The following MCC variants were observed in gnomAD, a reference collection of about 807,000 sequenced individuals.
MCC encodes MCC regulator of Wnt signaling pathway, also known as colorectal mutant cancer protein.
In MCC, 90 loss-of-function variants were observed where a neutral mutation model predicts 116.2. The observed-to-expected ratio is 0.77, with a 90% CI of 0.65 to 0.92. The LOEUF is 0.92. Ranked by LOEUF, MCC falls within the 40% of genes least tolerant of loss-of-function variation. MCC has a pLI of 0.00. For synonymous variants in MCC, 578 were observed against 510.5 expected, an observed-to-expected ratio of 1.13 and a Z score of -1.78; for missense variants, 1,516 against 1,312.2, an observed-to-expected ratio of 1.16 and a Z score of -2.40.
chr5:113,426,446 T>C (rs996484073), intron 1 of MCC, among the ~76,000 whole-genome samples: 2 of 152,154 alleles, frequency 1.3e-5, no homozygotes, highest in South Asian at 2.1e-4. Context: ...ATCCACACAA[T>C]GTAATAGTAT....
At chr5:113,090,965 G>A (rs529935580) in intron 8 of MCC, among the ~76,000 whole-genome samples, 1 of 152,344 alleles carries the variant, frequency 6.6e-6, no homozygotes, top group East Asian at 1.9e-4. Context: ...GCAAGCCCAG[G>A]GGCTGTGAGC....
At chr5:113,047,665 T>C (rs549151215) in intron 16 of MCC, among the ~76,000 whole-genome samples, 2 of 152,102 alleles carry the variant, frequency 1.3e-5, no homozygotes, top group Non-Finnish European at 1.5e-5. Flanking sequence ...CTGAAACAAA[T>C]GGGGGTCAAG....
chr5:113,211,539 G>A (rs1308798138), intron 3 of MCC, among the ~76,000 whole-genome samples: 1 of 152,194 alleles, frequency 6.6e-6, no homozygotes, highest in Non-Finnish European at 1.5e-5. Flanking sequence ...GGGGGTTCTT[G>A]TTGCCTAATG....
chr5:113,206,043 G>A (rs1250986560), intron 3 of MCC, among the ~76,000 whole-genome samples: 1 of 152,240 alleles, frequency 6.6e-6, no homozygotes, highest in South Asian at 2.1e-4. Context: ...AGCAGTGACA[G>A]CTACACCACT....
intron 3 of MCC, among the ~76,000 whole-genome samples, chr5:113,155,843 T>G (rs992761426): frequency 6.6e-6 from 1 of 152,246 alleles, no homozygotes; most frequent in African/African-American, 2.4e-5. Flanking sequence ...TAGCTGGTCA[T>G]ATTTCTGCTC....
intron 1 of MCC, among the ~76,000 whole-genome samples, chr5:113,422,711 T>C (rs1464464923): frequency 6.6e-6 from 1 of 152,126 alleles, no homozygotes; most frequent in Non-Finnish European, 1.5e-5. Flanking sequence ...TGCAAAAGGA[T>C]GTAAGAGGCA....
intron 8 of MCC, among the ~76,000 whole-genome samples, chr5:113,096,275 A>G (rs1406067653): frequency 6.6e-6 from 1 of 152,222 alleles, no homozygotes; most frequent in African/African-American, 2.4e-5. Context: ...GTGGGTGACC[A>G]AAGGACACTG....
At chr5:113,370,513 G>A (rs1768812254) in intron 2 of MCC, among the ~76,000 whole-genome samples, 1 of 152,122 alleles carries the variant, frequency 6.6e-6, no homozygotes, top group Non-Finnish European at 1.5e-5. Context: ...ACATAGACTA[G>A]ATAGTCTGAT....
intron 3 of MCC, among the ~76,000 whole-genome samples, chr5:113,241,833 T>G (rs777951198): frequency 2.0e-5 from 3 of 152,222 alleles, no homozygotes; most frequent in Non-Finnish European, 4.4e-5. Context: ...AAGTCTTCTC[T>G]GGAAAAACTG....
chr5:113,271,213 C>T (rs961823931), intron 3 of MCC, among the ~76,000 whole-genome samples: 1 of 152,094 alleles, frequency 6.6e-6, no homozygotes, highest in South Asian at 2.1e-4. Flanking sequence ...GATTCCTATG[C>T]GCTTAAGAAA....
intron 4 of MCC, among the ~76,000 whole-genome samples, chr5:113,144,536 A>G (rs933462276): frequency 1.3e-5 from 2 of 152,156 alleles, no homozygotes; most frequent in Non-Finnish European, 2.9e-5. Context: ...CCCTCCCTAA[A>G]TCAGCTAAGC....
intron 3 of MCC, among the ~76,000 whole-genome samples, chr5:113,207,979 T>C (rs1208900899): frequency 6.6e-6 from 1 of 152,038 alleles, no homozygotes; most frequent in Non-Finnish European, 1.5e-5. Context: ...AAGAGGGAAA[T>C]TATCCAGCTA....
intron 11 of MCC, among the ~76,000 whole-genome samples, chr5:113,082,073 T>G (rs541238307): frequency 1.2e-3 from 176 of 152,392 alleles, no homozygotes; most frequent in African/African-American, 4.0e-3. Context: ...TCCATGGTTT[T>G]GCCCTGGTCA....
chr5:113,069,856 G>C (rs557768210), intron 12 of MCC, among the ~76,000 whole-genome samples: 1 of 152,220 alleles, frequency 6.6e-6, no homozygotes, highest in South Asian at 2.1e-4. Context: ...AAAATGCTGG[G>C]ATTCCAGGCG....
At chr5:113,403,445 A>C (rs946598306) in intron 1 of MCC, among the ~76,000 whole-genome samples, 3 of 152,240 alleles carry the variant, frequency 2.0e-5, no homozygotes, top group Admixed American at 1.3e-4. Context: ...TCACATATTT[A>C]AATGAGTACT....
At chr5:113,028,348 T>G (rs1750718301) in intron 18 of MCC, among the ~76,000 whole-genome samples, 1 of 151,776 alleles carries the variant, frequency 6.6e-6, no homozygotes, top group South Asian at 2.1e-4. Flanking sequence ...TTTCTAATTA[T>G]TTCTTGGAAA....
intron 3 of MCC, among the ~76,000 whole-genome samples, chr5:113,181,884 G>C (rs1761646077): frequency 6.6e-6 from 1 of 152,138 alleles, no homozygotes; most frequent in Non-Finnish European, 1.5e-5. Context: ...TGAGGCCCAG[G>C]GGGGTTTTAA....
At chr5:113,253,356 C>T (rs1279299750) in intron 3 of MCC, among the ~76,000 whole-genome samples, 1 of 152,176 alleles carries the variant, frequency 6.6e-6, no homozygotes, top group East Asian at 1.9e-4. Context: ...AGTCTGAAGT[C>T]AAACATCTAC....
At chr5:113,080,490 C>T (rs1485044126) in intron 11 of MCC, among the ~76,000 whole-genome samples, 5 of 152,152 alleles carry the variant, frequency 3.3e-5, no homozygotes, top group Non-Finnish European at 7.3e-5. Flanking sequence ...AGGATGAGTT[C>T]ATGTCCTCTG....
Sources: gnomAD v4.1 joint callset for allele counts (sites outside exome capture counted in the v4.1 genomes callset) on GRCh38, gnomAD v4.1.1 for gene constraint, MANE v1.5 for transcripts, NCBI Gene and HGNC (gene_info 2026-07-23, HGNC 2026-07-21) for gene names.